SIPA1L3: variants seen among roughly 807,000 people sequenced by gnomAD.
SIPA1L3 encodes signal induced proliferation associated 1 like 3.
Under a neutral mutation model 150.1 loss-of-function variants are expected in SIPA1L3, and 59 were observed. That is an observed-to-expected ratio of 0.39 (90% CI 0.32 to 0.49). The LOEUF is 0.49. SIPA1L3 is among the 20% of genes least tolerant of loss of function. The pLI, the probability that SIPA1L3 is intolerant of heterozygous loss-of-function variation, is 0.86. For missense variants in SIPA1L3, 2,211 were observed against 2,489.5 expected (o/e 0.89, Z 2.38); for synonymous variants, 1,070 against 1,077.6 (o/e 0.99, Z 0.14).
intron 1 of SIPA1L3, among the ~76,000 whole-genome samples, chr19:37,938,174 A>G (rs1432093267): frequency 1.3e-5 from 2 of 152,224 alleles, no homozygotes; most frequent in African/African-American, 4.8e-5. Context: ...ATTTACTGCC[A>G]TGTGAGTATT....
chr19:38,198,296 A>G (rs1325244364), intron 18 of SIPA1L3, 93 bp from the exon 19 acceptor site: 1 of 1,341,324 alleles, frequency 7.5e-7, no homozygotes, highest in East Asian at 2.8e-5. Context: ...CTGGGCATGT[A>G]GCATCTCTGC....
chr19:38,161,048 T>A (rs1433097454), intron 13 of SIPA1L3, among the ~76,000 whole-genome samples: 2 of 152,140 alleles, frequency 1.3e-5, no homozygotes, highest in African/African-American at 4.8e-5. Context: ...TTTTTGTTTT[T>A]TAAAAAAGTT....
Position 38,103,827 on chromosome 19 carries a change from G to A in SIPA1L3, c.2029+2601G>A, listed in dbSNP as rs1187627573. Among the ~76,000 whole-genome samples, 7 of 143,288 alleles carry A rather than the reference G, an allele frequency of 4.9e-5. No homozygotes were observed. The East Asian group carries it at 1.0e-3, about 21-fold the overall frequency. The allele number at this position is 143,288 out of a possible 152,430, so 94.0% of individuals were successfully genotyped here. The stretch of plus-strand genomic sequence containing the variant: ...TGAGGCAGGAGAATGGCGTGAACCC[G>A]CAAGGTGGAGCTTGCAATGAGCCGA... On this transcript the variant is annotated intron_variant, in intron 6 of 21. Coordinates refer to ENST00000222345, the MANE Select transcript of SIPA1L3 (RefSeq NM_015073.3).
chr19:38,158,990 T>C (rs545549793), intron 13 of SIPA1L3, among the ~76,000 whole-genome samples: 17 of 152,344 alleles, frequency 1.1e-4, no homozygotes, highest in African/African-American at 3.6e-4. Context: ...CGGATGTGAC[T>C]GCCATGGGCT....
chr19:38,030,740 C>G (rs1044396599), intron 2 of SIPA1L3, among the ~76,000 whole-genome samples: 7 of 151,732 alleles, frequency 4.6e-5, no homozygotes, highest in African/African-American at 1.7e-4. Context: ...AGTGAACATT[C>G]TCTCTTGTTT....
chr19:37,957,650 C>A (rs1263583161), intron 1 of SIPA1L3, among the ~76,000 whole-genome samples: 1 of 151,840 alleles, frequency 6.6e-6, no homozygotes, highest in African/African-American at 2.4e-5. Flanking sequence ...AGCAGCCCTC[C>A]CATCTCAACC....
intron 8 of SIPA1L3, among the ~76,000 whole-genome samples, chr19:38,111,896 T>TGCACACACACACATGCATGCAC (rs1195921680): frequency 6.6e-6 from 1 of 151,444 alleles, no homozygotes; most frequent in African/African-American, 2.4e-5. Flanking sequence ...CACAGGCACA[T>TGCACACACACACATGCATGCAC]GCACACACAC....
chr19:38,116,982 T>C (rs1188447167), intron 8 of SIPA1L3, among the ~76,000 whole-genome samples: 1 of 152,232 alleles, frequency 6.6e-6, no homozygotes, highest in African/African-American at 2.4e-5. Flanking sequence ...TGAGCCTCTA[T>C]TTAATTTGGT....
chr19:37,917,545 TGA>T (rs2046423566), intron 1 of SIPA1L3, among the ~76,000 whole-genome samples: 1 of 152,220 alleles, frequency 6.6e-6, no homozygotes, highest in African/African-American at 2.4e-5. Flanking sequence ...GATAAGGCAA[TGA>T]GAGGTCACTT....
intron 1 of SIPA1L3, among the ~76,000 whole-genome samples, chr19:37,970,317 C>G (rs909699829): frequency 1.4e-4 from 21 of 152,150 alleles, no homozygotes; most frequent in African/African-American, 4.8e-4. Context: ...TGGTATATCT[C>G]CCAACAATAA....
chr19:37,970,930 G>A (rs1206248572), intron 1 of SIPA1L3, among the ~76,000 whole-genome samples: 1 of 152,120 alleles, frequency 6.6e-6, no homozygotes. Flanking sequence ...CTGTTCCTGG[G>A]GTGTTGCTTT....
intron 1 of SIPA1L3, among the ~76,000 whole-genome samples, chr19:37,937,972 A>G (rs1359565787): frequency 2.0e-5 from 3 of 151,972 alleles, no homozygotes; most frequent in Admixed American, 2.0e-4. Context: ...GCTTGAACCC[A>G]GGAGGCGGAG....
intron 9 of SIPA1L3, among the ~76,000 whole-genome samples, chr19:38,121,853 A>C (rs1039011042): frequency 1.3e-5 from 2 of 152,132 alleles, no homozygotes; most frequent in Admixed American, 6.6e-5. Flanking sequence ...CAGGAGTTTG[A>C]GGCTGCAGTG....
chr19:38,061,868 A>G (rs1969451848), intron 2 of SIPA1L3, among the ~76,000 whole-genome samples: 1 of 146,322 alleles, frequency 6.8e-6, no homozygotes, highest in Non-Finnish European at 1.5e-5. Context: ...TTGGTTTGGG[A>G]TTTTTGAGTT....
At chr19:37,969,906 C>T (rs1424737862) in intron 1 of SIPA1L3, among the ~76,000 whole-genome samples, 2 of 152,264 alleles carry the variant, frequency 1.3e-5, no homozygotes, top group Non-Finnish European at 2.9e-5. Context: ...TTTAATTACA[C>T]GTTATGTTTG....
intron 1 of SIPA1L3, among the ~76,000 whole-genome samples, chr19:37,959,757 T>G (rs1178737282): frequency 6.6e-6 from 1 of 152,160 alleles, no homozygotes; most frequent in Non-Finnish European, 1.5e-5. Context: ...TTGCCGTCTT[T>G]CTGATAAGCA....
At chr19:38,024,251 G>C (rs749823218) in intron 1 of SIPA1L3, among the ~76,000 whole-genome samples, 1 of 152,112 alleles carries the variant, frequency 6.6e-6, no homozygotes, top group African/African-American at 2.4e-5. Context: ...TGCTTCATAG[G>C]GTTTCATGAG....
At chr19:38,068,867 G>T (rs941303178) in intron 2 of SIPA1L3, among the ~76,000 whole-genome samples, 2 of 152,002 alleles carry the variant, frequency 1.3e-5, no homozygotes, top group African/African-American at 4.8e-5. Context: ...AAAGAGAAGA[G>T]AAATTTATTT....
At chr19:38,195,340 C>G (rs926078022) in intron 18 of SIPA1L3, among the ~76,000 whole-genome samples, 1 of 152,194 alleles carries the variant, frequency 6.6e-6, no homozygotes, top group African/African-American at 2.4e-5. Flanking sequence ...TCCCAGCCCC[C>G]ATCTCAACTC....
Sources: gnomAD v4.1 joint callset for allele counts (sites outside exome capture counted in the v4.1 genomes callset) on GRCh38, gnomAD v4.1.1 for gene constraint, MANE v1.5 for transcripts, NCBI Gene and HGNC (gene_info 2026-07-23, HGNC 2026-07-21) for gene names.